Variants in HBS1L observed in about 807,000 individuals in gnomAD.
HBS1L encodes HBS1 like translational GTPase, also known as HBS1-like protein.
HBS1L carries 55 observed loss-of-function variants against 88.9 expected under a neutral mutation model. The ratio of observed to expected loss-of-function variants is 0.62; its 90% confidence interval spans 0.50 to 0.77. HBS1L has a LOEUF of 0.77. HBS1L is among the 30% of genes least tolerant of loss of function. The probability of loss-of-function intolerance (pLI) is 0.00; values close to 1 mark genes in which losing one functional copy is unlikely to be tolerated. For missense variants in HBS1L, 741 were observed against 829.3 expected (o/e 0.89, Z 1.31); for synonymous variants, 267 against 288.5 (o/e 0.93, Z 0.76).
Position 135,036,195 on chromosome 6 carries a change from T to C in HBS1L, c.430+3378A>G, listed in dbSNP as rs375199025. 67 of 907,150 alleles carry C rather than the reference T, an allele frequency of 7.4e-5. No homozygotes were observed. The South Asian group carries it at 2.6e-3, about 36-fold the overall frequency. The allele number at this position is 907,150 out of a possible 1,614,324, so 56.2% of individuals were successfully genotyped here. A position where few individuals can be genotyped will look rare whatever the true frequency, so the allele number is the denominator to read the frequency against. ...ACTATAATAATCCCAAGTGCTGGCA[T>C]TTTCGTTTAAGAACAAAGCACAAAA... On this transcript the variant is annotated intron_variant, in intron 4 of 17. Coordinates refer to ENST00000367837, the MANE Select transcript of HBS1L (RefSeq NM_006620.4).
chr6:135,026,637 G>C (rs1436113817), intron 4 of HBS1L, among the ~76,000 whole-genome samples: 1 of 151,852 alleles, frequency 6.6e-6, no homozygotes, highest in Non-Finnish European at 1.5e-5. Context: ...AACACTAAAA[G>C]CAAAAGAAGG....
intron 8 of HBS1L, among the ~76,000 whole-genome samples, chr6:134,991,581 G>A (rs1242074882): frequency 1.3e-5 from 2 of 151,982 alleles, no homozygotes; most frequent in East Asian, 1.9e-4. Context: ...ACAGTATCTG[G>A]TCCACATTAG....
At position 135,002,848 on chromosome 6, in the gene HBS1L, TAAG is replaced by T; in HGVS notation, c.431-9_431-7del. On this transcript the variant is annotated splice_polypyrimidine_tract_variant and splice_region_variant and intron_variant, in intron 4 of 17. Coordinates refer to ENST00000367837, the MANE Select transcript of HBS1L (RefSeq NM_006620.4). ...CTGGGAATCTACTGGTTTTCCTAGT[TAAG>T]GAGTAAAATATAAAAGGCCAATTAA... 1.3e-6 allele frequency: 2 copies of T among 1,590,404 alleles called. No individual in the cohort carries two copies. Among genetic ancestry groups the T allele is most frequent in the South Asian group, 1.1e-5 (1 of 90,430 alleles).
intron 4 of HBS1L, among the ~76,000 whole-genome samples, chr6:135,007,100 G>T (rs1775635271): frequency 6.6e-6 from 1 of 152,100 alleles, no homozygotes; most frequent in South Asian, 2.1e-4. Flanking sequence ...GTCATACAAT[G>T]GCATAAAAGG....
chr6:134,979,168 T>C lies in HBS1L; in HGVS notation c.1688+10A>G. 6.2e-7 allele frequency: 1 copy of C among 1,600,750 alleles called. No individual in the cohort carries two copies. Among genetic ancestry groups the C allele is most frequent in the African/African-American group, 1.3e-5 (1 of 74,736 alleles). Reference sequence around the variant, plus strand: ...AGACAACGGTTGCTTAAACTCATTTTCTCACTCACTTGATTTTGATGATAT... The same window carrying C: ...AGACAACGGTTGCTTAAACTCATTTCCTCACTCACTTGATTTTGATGATAT... On this transcript the variant is annotated intron_variant, in intron 14 of 17. Transcript: ENST00000367837.
At position 134,962,769 on chromosome 6, in the gene HBS1L, C is replaced by T. The variant is rs1450732187; in HGVS notation, c.*2510G>A. On this transcript the variant is annotated 3_prime_UTR_variant, in exon 18 of 18. Coordinates refer to ENST00000367837, the MANE Select transcript of HBS1L (RefSeq NM_006620.4). ...ACAAGAAATACCTGAAGCAAAATGACACAAAATGGATGTACTATAAATTAT... is the reference window on the plus strand; with the variant it reads ...ACAAGAAATACCTGAAGCAAAATGATACAAAATGGATGTACTATAAATTAT... The T allele has an allele frequency of 6.6e-6, 1 of 152,176 alleles. No individual in the cohort carries two copies. The highest frequency in any genetic ancestry group is 1.5e-5 in the Non-Finnish European group (1 of 68,026). The allele number at this position is 152,176 out of a possible 1,614,324, so 9.4% of individuals were successfully genotyped here.
At chr6:134,972,990 G>T (rs1281255545) in intron 15 of HBS1L, among the ~76,000 whole-genome samples, 6 of 152,310 alleles carry the variant, frequency 3.9e-5, no homozygotes, top group African/African-American at 1.4e-4. Flanking sequence ...ATGCACTGCT[G>T]GTGGGAATGT....
At chr6:134,995,435 A>G (rs1775262751) in intron 7 of HBS1L, among the ~76,000 whole-genome samples, 1 of 152,100 alleles carries the variant, frequency 6.6e-6, no homozygotes, top group Non-Finnish European at 1.5e-5. Flanking sequence ...TGAGCAATAA[A>G]AAACTAGCAG....
intron 4 of HBS1L, among the ~76,000 whole-genome samples, chr6:135,032,193 T>G (rs1277898349): frequency 6.6e-6 from 1 of 152,012 alleles, no homozygotes; most frequent in Non-Finnish European, 1.5e-5. Context: ...AAACAGTACT[T>G]TCAGCATAAA....
chr6:134,970,092 T>G (rs1008892528), intron 15 of HBS1L, among the ~76,000 whole-genome samples: 1 of 152,172 alleles, frequency 6.6e-6, no homozygotes, highest in Non-Finnish European at 1.5e-5. Context: ...CAGACAGACC[T>G]GGGTTCAAGT....
chr6:135,024,439 CAA>C (rs60663059), intron 4 of HBS1L, among the ~76,000 whole-genome samples: 3,434 of 66,422 alleles, frequency 0.052, 36 homozygotes, highest in African/African-American at 0.15. Flanking sequence ...GACTTCGTCT[CAA>C]AAAAAAAAAA....
At position 134,964,755 on chromosome 6, in the gene HBS1L, C is replaced by A. The variant is rs1329523582; in HGVS notation, c.*524G>T. 1 of 141,956 alleles carries A rather than the reference C, an allele frequency of 7.0e-6. No individual in the cohort carries two copies. Among genetic ancestry groups the A allele is most frequent in the Admixed American group, 7.2e-5 (1 of 13,798 alleles). 8.8% of individuals were successfully genotyped at this position (141,956 alleles called of 1,614,324 possible). A position where few individuals can be genotyped will look rare whatever the true frequency, so the allele number is the denominator to read the frequency against. On this transcript the variant is annotated 3_prime_UTR_variant, in exon 18 of 18. Coordinates refer to ENST00000367837, the MANE Select transcript of HBS1L (RefSeq NM_006620.4). ...ACAAGTTTACTTGTTTGGGGAGGGA[C>A]ATTCTTATGGTCACCACAAAATACT...
chr6:135,001,236 A>AATATAG (rs1775446259), intron 5 of HBS1L, among the ~76,000 whole-genome samples: 1 of 152,204 alleles, frequency 6.6e-6, no homozygotes, highest in African/African-American at 2.4e-5. Flanking sequence ...CCTCACAAAG[A>AATATAG]ATATAGTCAT....
At chr6:135,009,148 T>C (rs1046005943) in intron 4 of HBS1L, among the ~76,000 whole-genome samples, 14 of 152,206 alleles carry the variant, frequency 9.2e-5, no homozygotes, top group African/African-American at 3.4e-4. Flanking sequence ...ATAGGTATAA[T>C]TACTCCTACA....
Position 134,996,756 on chromosome 6 carries a change from AT to A in HBS1L, c.965+20del. ...AAGACTGTATGATTTCAAACTGAAA[AT>A]TTTGAAATATAGTGACTACCTTTCC... On this transcript the variant is annotated intron_variant, in intron 7 of 17. Coordinates refer to ENST00000367837, the MANE Select transcript of HBS1L (RefSeq NM_006620.4). 6.5e-7 allele frequency: 1 copy of A among 1,547,482 alleles called. No individual in the cohort carries two copies. Among genetic ancestry groups the A allele is most frequent in the East Asian group, 2.3e-5 (1 of 43,176 alleles).
chr6:135,042,245 C>A, intron 2 of HBS1L, 119 bp from the exon 3 acceptor site: 1 of 831,486 alleles, frequency 1.2e-6, no homozygotes, highest in Non-Finnish European at 1.8e-6. Context: ...ACCCATATTT[C>A]ATAAGGGATG....
intron 8 of HBS1L, among the ~76,000 whole-genome samples, chr6:134,990,950 A>C (rs984123021): frequency 4.6e-5 from 7 of 152,136 alleles, no homozygotes; most frequent in African/African-American, 1.7e-4. Context: ...TCGCCCATTA[A>C]ACTATCAGTG....
At position 135,036,060 on chromosome 6, in the gene HBS1L, T is replaced by C. The variant is rs540865633; in HGVS notation, c.430+3513A>G. 43 of 658,838 alleles carry C rather than the reference T, an allele frequency of 6.5e-5. 1 individual carries two copies. The South Asian group carries it at 2.8e-3, about 43-fold the overall frequency. 40.8% of individuals were successfully genotyped at this position (658,838 alleles called of 1,614,324 possible). ...AGTCAGGAATTTTAAGATTTTCTAA[T>C]AGAAAAATTTTAGTATTTACAGAAA... On this transcript the variant is annotated intron_variant, in intron 4 of 17. Transcript: ENST00000367837.
chr6:135,022,812 A>G (rs984790765), intron 4 of HBS1L, among the ~76,000 whole-genome samples: 1 of 152,128 alleles, frequency 6.6e-6, no homozygotes, highest in Non-Finnish European at 1.5e-5. Flanking sequence ...ATATAGATTT[A>G]GTAGTATTCA....
Sources: gnomAD v4.1 joint callset for allele counts (sites outside exome capture counted in the v4.1 genomes callset) on GRCh38, gnomAD v4.1.1 for gene constraint, MANE v1.5 for transcripts, NCBI Gene and HGNC (gene_info 2026-07-23, HGNC 2026-07-21) for gene names.